Variants in HS1BP3 observed in about 807,000 individuals in gnomAD.
HS1BP3 encodes HCLS1 binding protein 3, also known as HCLS1-binding protein 3.
HS1BP3 carries 32 observed loss-of-function variants against 33.5 expected under a neutral mutation model. The ratio of observed to expected loss-of-function variants is 0.95; its 90% CI spans 0.72 to 1.28. The LOEUF (loss-of-function observed/expected upper bound fraction) is 1.28, where lower values mean the gene tolerates loss of function less well. Among genes scored for constraint, HS1BP3 ranks in the 50% most tolerant of loss-of-function variants. HS1BP3 has a pLI of 0.00. For synonymous variants in HS1BP3, 187 were observed against 209.2 expected, an observed-to-expected ratio of 0.89 and a Z score of 0.92; for missense variants, 486 against 502.3, an observed-to-expected ratio of 0.97 and a Z score of 0.31.
chr2:20,627,097 T>G (rs186240256), intron 4 of HS1BP3, among the ~76,000 whole-genome samples: 1 of 152,242 alleles, frequency 6.6e-6, no homozygotes, highest in Admixed American at 6.5e-5. Flanking sequence ...TGCCCGATGC[T>G]TCTCTCCCCT....
chr2:20,586,858 G>A (rs559206246), intron 5 of HS1BP3, among the ~76,000 whole-genome samples: 47 of 152,232 alleles, frequency 3.1e-4, no homozygotes, highest in African/African-American at 1.0e-3. Flanking sequence ...GTTAATAATC[G>A]TATCAATTAT....
chr2:20,578,699 G>A (rs4666430), intron 5 of HS1BP3, among the ~76,000 whole-genome samples: 101,197 of 152,146 alleles, frequency 0.67, 38,687 homozygotes, highest in East Asian at 0.85. Context: ...GGCACTGGGC[G>A]TAGGCAATCT....
At chr2:20,634,153 G>T (rs563725893) in intron 4 of HS1BP3, among the ~76,000 whole-genome samples, 34 of 152,386 alleles carry the variant, frequency 2.2e-4, no homozygotes, top group Non-Finnish European at 4.1e-4. Flanking sequence ...TACCGGAAGT[G>T]CCTTCTGGAC....
intron 4 of HS1BP3, among the ~76,000 whole-genome samples, chr2:20,632,633 A>T (rs1209300771): frequency 1.3e-5 from 2 of 152,236 alleles, no homozygotes; most frequent in Non-Finnish European, 2.9e-5. Context: ...GTTACTTGCC[A>T]GAACTTGCCA....
intron 6 of HS1BP3, among the ~76,000 whole-genome samples, chr2:20,621,356 T>C (rs1481568273): frequency 2.0e-5 from 3 of 152,274 alleles, no homozygotes; most frequent in Non-Finnish European, 2.9e-5. Context: ...ATTCAGAGTC[T>C]GTTTGGATGG....
rs148915944 is a variant in HS1BP3, at chr2:20,641,091, C to T, written c.288G>A (p.Lys96=). Reference sequence around the variant, plus strand: ...TGTCAGACTCCCCAACAAACAGGACCTTCCTGGGTAGTGGGGGGAGGCTGG... The same window carrying T: ...TGTCAGACTCCCCAACAAACAGGACTTTCCTGGGTAGTGGGGGGAGGCTGG... The part of the protein sequence containing the change: ...AAASLPPLPR[K]VLFVGESDIR... The change falls in exon 3 of 7, where the codon AAG becomes AAA. Residue 96 remains lysine (K), a synonymous_variant. Transcript: ENST00000304031. 7.7e-4 allele frequency: 1,237 copies of T among 1,613,960 alleles called. 3 individuals are homozygous for T. Among genetic ancestry groups the T allele is most frequent in the Non-Finnish European group, 9.7e-4 (1,149 of 1,180,026 alleles).
chr2:20,644,220 T>G (rs538746410), intron 2 of HS1BP3, among the ~76,000 whole-genome samples: 2 of 152,132 alleles, frequency 1.3e-5, no homozygotes, highest in African/African-American at 2.4e-5. Context: ...CCTCTTGAAA[T>G]TCTCTCCTCC....
At chr2:20,622,440 C>G (rs938199742) in intron 6 of HS1BP3, 3 of 646,618 alleles carry the variant, frequency 4.6e-6, no homozygotes, top group Non-Finnish European at 4.9e-6. Flanking sequence ...CTGCGGGATG[C>G]TAAGGGGCAC....
chr2:20,556,930 G>A (rs183120997), downstream of HS1BP3, among the ~76,000 whole-genome samples: 44 of 152,286 alleles, frequency 2.9e-4, no homozygotes, highest in South Asian at 8.9e-3. Flanking sequence ...TGGTTCCTGT[G>A]CAGCCCGCAG....
intron 2 of HS1BP3, among the ~76,000 whole-genome samples, chr2:20,603,267 A>G (rs1694107245): frequency 6.6e-6 from 1 of 152,212 alleles, no homozygotes; most frequent in Admixed American, 6.5e-5. Context: ...CCACACCAAA[A>G]CTACACATGA....
Position 20,611,614 on chromosome 2 carries a change from T to C in HS1BP3, c.178+12282A>G, listed in dbSNP as rs1162415326. Among the ~76,000 whole-genome samples, 9 of 152,170 alleles carry C rather than the reference T, an allele frequency of 5.9e-5. No homozygotes were observed. Among genetic ancestry groups the C allele is most frequent in the Admixed American group, 3.3e-4 (5 of 15,282 alleles). On this transcript the variant is annotated intron_variant, in intron 2 of 3. Transcript: ENST00000415264. The surrounding 1 kb of genome is among the most constrained non-coding windows in gnomAD (Gnocchi z 4.9). The stretch of plus-strand genomic sequence containing the variant: ...CATTATTCCTTGTCAGAATGGCTCA[T>C]TTCCAGTTCGTTCCATCTACCCTCC...
downstream of HS1BP3, among the ~76,000 whole-genome samples, chr2:20,614,780 A>G (rs990694451): frequency 6.6e-6 from 1 of 152,364 alleles, no homozygotes; most frequent in Non-Finnish European, 1.5e-5. Flanking sequence ...AAAGTCAGCA[A>G]TAAAGAGTCG....
chr2:20,631,350 C>T (rs13022516), intron 4 of HS1BP3, among the ~76,000 whole-genome samples: 77,644 of 151,140 alleles, frequency 0.51, 20,954 homozygotes, highest in Non-Finnish European at 0.62. Flanking sequence ...CTCATCTCTA[C>T]AAAAAGTAGA....
chr2:20,647,111 G>A (rs1695543252), intron 1 of HS1BP3, among the ~76,000 whole-genome samples: 1 of 152,154 alleles, frequency 6.6e-6, no homozygotes, highest in South Asian at 2.1e-4. Context: ...CTGCGGGGAG[G>A]TCCTCTCAGG....
At chr2:20,583,944 A>G (rs933274613) in intron 5 of HS1BP3, among the ~76,000 whole-genome samples, 6 of 152,188 alleles carry the variant, frequency 3.9e-5, no homozygotes, top group African/African-American at 1.4e-4. Context: ...TCTGTGTCCC[A>G]CGGCTCCGGG....
intron 5 of HS1BP3, among the ~76,000 whole-genome samples, chr2:20,577,265 T>C (rs1693423489): frequency 6.6e-6 from 1 of 151,204 alleles, no homozygotes; most frequent in African/African-American, 2.4e-5. Flanking sequence ...GGGGAGAGGG[T>C]GGGAAAGGGG....
intron 5 of HS1BP3, among the ~76,000 whole-genome samples, chr2:20,562,674 G>A (rs1012599121): frequency 6.6e-6 from 1 of 152,136 alleles, no homozygotes; most frequent in Non-Finnish European, 1.5e-5. Flanking sequence ...GAAGCAGGGG[G>A]CAGTGTTGTG....
chr2:20,642,010 C>A (rs563442745), intron 2 of HS1BP3, among the ~76,000 whole-genome samples: 1 of 152,246 alleles, frequency 6.6e-6, no homozygotes, highest in African/African-American at 2.4e-5. Context: ...CTGCTGTATA[C>A]ACACACCATC....
intron 2 of HS1BP3, among the ~76,000 whole-genome samples, chr2:20,608,804 C>T (rs935272610): frequency 6.6e-6 from 1 of 152,170 alleles, no homozygotes; most frequent in Non-Finnish European, 1.5e-5. Flanking sequence ...CCTCTGCCCT[C>T]CACTTTCTGA....
Sources: gnomAD v4.1 joint callset for allele counts (sites outside exome capture counted in the v4.1 genomes callset) on GRCh38, gnomAD v4.1.1 for gene constraint, Gnocchi (gnomAD v3.1) non-coding constraint, MANE v1.5 for transcripts, NCBI Gene and HGNC (gene_info 2026-07-23, HGNC 2026-07-21) for gene names.